Variants in EPB41L4A observed in about 807,000 individuals in gnomAD.
The protein encoded by EPB41L4A is erythrocyte membrane protein band 4.1 like 4A, also known as band 4.1-like protein 4A.
EPB41L4A carries 100 observed loss-of-function variants against 108.6 expected under a neutral mutation model. The observed-to-expected ratio is 0.92, with a 90% CI of 0.78 to 1.09. The LOEUF (loss-of-function observed/expected upper bound fraction) is 1.09. Among genes scored for constraint, EPB41L4A ranks in the 50% least tolerant of loss-of-function variants. EPB41L4A has a pLI of 0.00. For missense variants in EPB41L4A, 1,030 were observed against 842.7 expected (o/e 1.22, Z -2.75); for synonymous variants, 319 against 289.0 (o/e 1.10, Z -1.05).
intron 1 of EPB41L4A, 152 bp from the exon 2 acceptor site, chr5:112,307,642 A>C (rs562332795): frequency 2.2e-6 from 1 of 462,822 alleles, no homozygotes; most frequent in South Asian, 6.1e-5. Flanking sequence ...CTCAATTATG[A>C]AGAAAAAAAC....
At chr5:112,142,091 A>G (rs1363033876), downstream of EPB41L4A, among the ~76,000 whole-genome samples, 2 of 152,160 alleles carry the variant, frequency 1.3e-5, no homozygotes, top group East Asian at 3.8e-4. Flanking sequence ...TCTCTTCCCC[A>G]TATTTTACCC....
At chr5:112,394,870 C>G (rs976860531) in intron 1 of EPB41L4A, among the ~76,000 whole-genome samples, 6 of 152,240 alleles carry the variant, frequency 3.9e-5, no homozygotes, top group African/African-American at 1.4e-4. Flanking sequence ...GTAACCAAAA[C>G]AGCATGGTGC....
intron 12 of EPB41L4A, among the ~76,000 whole-genome samples, chr5:112,147,362 G>A (rs764631820): frequency 3.9e-5 from 6 of 152,134 alleles, no homozygotes; most frequent in Non-Finnish European, 7.4e-5. Flanking sequence ...AATCTGAGCC[G>A]GGTGCGGTGA....
intron 12 of EPB41L4A, among the ~76,000 whole-genome samples, chr5:112,231,388 T>G (rs1748911219): frequency 1.3e-5 from 2 of 152,204 alleles, no homozygotes. Context: ...AATATAAAAG[T>G]TTTTTTCTTT....
chr5:112,361,329 T>C (rs1211900939), intron 1 of EPB41L4A, among the ~76,000 whole-genome samples: 3 of 152,176 alleles, frequency 2.0e-5, no homozygotes, highest in Non-Finnish European at 4.4e-5. Flanking sequence ...AGCATGCTCG[T>C]TAAGAGTCAT....
chr5:112,370,241 T>C (rs1046905950), intron 1 of EPB41L4A, among the ~76,000 whole-genome samples: 5 of 151,610 alleles, frequency 3.3e-5, no homozygotes, highest in African/African-American at 1.2e-4. Context: ...CTTGCCATGT[T>C]GCCCAGGCTG....
At chr5:112,402,275 G>C (rs1336542529) in intron 1 of EPB41L4A, among the ~76,000 whole-genome samples, 1 of 151,746 alleles carries the variant, frequency 6.6e-6, no homozygotes, top group Non-Finnish European at 1.5e-5. Context: ...ACGATTGTAA[G>C]TTTCCTGAGG....
At chr5:112,166,112 T>C (rs1483844806) in intron 22 of EPB41L4A, among the ~76,000 whole-genome samples, 1 of 152,240 alleles carries the variant, frequency 6.6e-6, no homozygotes, top group South Asian at 2.1e-4. Flanking sequence ...TAGGATTGAA[T>C]CTGTCCACTC....
intron 1 of EPB41L4A, among the ~76,000 whole-genome samples, chr5:112,396,402 A>G (rs1761353952): frequency 6.6e-6 from 1 of 152,166 alleles, no homozygotes; most frequent in Non-Finnish European, 1.5e-5. Flanking sequence ...GAATTCACAC[A>G]TCTATCAGAC....
At chr5:112,280,966 A>C (rs1752928910) in intron 2 of EPB41L4A, among the ~76,000 whole-genome samples, 2 of 152,168 alleles carry the variant, frequency 1.3e-5, no homozygotes, top group African/African-American at 4.8e-5. Flanking sequence ...TCAAATCGTC[A>C]TTAAGGATCC....
intron 12 of EPB41L4A, among the ~76,000 whole-genome samples, chr5:112,233,532 G>C (rs918164112): frequency 2.0e-5 from 3 of 152,142 alleles, no homozygotes; most frequent in African/African-American, 7.2e-5. Flanking sequence ...ACTGGATTCT[G>C]TACAAATGAA....
intron 2 of EPB41L4A, among the ~76,000 whole-genome samples, chr5:112,296,167 A>G (rs1375625556): frequency 1.3e-5 from 2 of 152,174 alleles, no homozygotes; most frequent in Non-Finnish European, 2.9e-5. Context: ...AAAGTATATA[A>G]TTAGATAAAA....
chr5:112,225,238 C>T (rs1313988263), intron 12 of EPB41L4A, among the ~76,000 whole-genome samples: 2 of 152,224 alleles, frequency 1.3e-5, no homozygotes, highest in Non-Finnish European at 2.9e-5. Flanking sequence ...CATGAGTCTT[C>T]CTCATGAAAT....
intron 1 of EPB41L4A, among the ~76,000 whole-genome samples, chr5:112,372,834 T>C (rs970997855): frequency 2.6e-5 from 4 of 152,026 alleles, no homozygotes; most frequent in Non-Finnish European, 5.9e-5. Flanking sequence ...GATAGGAGAT[T>C]GTTACAGCAA....
chr5:112,358,442 TCTA>T, intron 1 of EPB41L4A, among the ~76,000 whole-genome samples: 1 of 152,316 alleles, frequency 6.6e-6, no homozygotes, highest in Middle Eastern at 3.4e-3. Flanking sequence ...AATTTCTTAA[TCTA>T]AGATCCTGAT....
At chr5:112,234,061 G>A (rs1163007755) in intron 12 of EPB41L4A, among the ~76,000 whole-genome samples, 1 of 151,794 alleles carries the variant, frequency 6.6e-6, no homozygotes, top group Admixed American at 6.6e-5. Flanking sequence ...GTTCATGCCT[G>A]TAATCCTAGC....
intron 12 of EPB41L4A, among the ~76,000 whole-genome samples, chr5:112,157,186 A>C (rs1759680473): frequency 6.6e-6 from 1 of 152,070 alleles, no homozygotes; most frequent in Non-Finnish European, 1.5e-5. Context: ...TGATGGTGGC[A>C]TGGTAGATCT....
intron 18 of EPB41L4A, among the ~76,000 whole-genome samples, chr5:112,178,580 CT>C (rs370429229): frequency 0.049 from 7,196 of 147,640 alleles, 197 homozygotes; most frequent in South Asian, 0.073. Flanking sequence ...ACTGTTCAGA[CT>C]TTTTTTTTTA....
intron 12 of EPB41L4A, among the ~76,000 whole-genome samples, chr5:112,217,478 C>G (rs1356313930): frequency 6.6e-6 from 1 of 152,018 alleles, no homozygotes; most frequent in Non-Finnish European, 1.5e-5. Flanking sequence ...GCAGGAGGGT[C>G]GCTTGAGGCT....
Sources: gnomAD v4.1 joint callset for allele counts (sites outside exome capture counted in the v4.1 genomes callset) on GRCh38, gnomAD v4.1.1 for gene constraint, MANE v1.5 for transcripts, NCBI Gene and HGNC (gene_info 2026-07-23, HGNC 2026-07-21) for gene names.